ETV6: variants seen among roughly 807,000 people sequenced by gnomAD.
ETV6 encodes the protein transcription factor ETV6.
Under a neutral mutation model 51.1 loss-of-function variants are expected in ETV6, and 16 were observed. That is an observed-to-expected ratio of 0.31 (90% CI 0.21 to 0.48). ETV6 has a LOEUF of 0.48. Ranked by LOEUF, ETV6 falls within the 20% of genes least tolerant of loss-of-function variation. The probability of loss-of-function intolerance (pLI) is 0.99; values close to 1 mark genes in which losing one functional copy is unlikely to be tolerated. For missense variants in ETV6, 458 were observed against 594.8 expected, an observed-to-expected ratio of 0.77 and a Z score of 2.39; for synonymous variants, 240 against 224.1, an observed-to-expected ratio of 1.07 and a Z score of -0.64.
At chr12:11,884,274 C>G (rs1374947310) in intron 5 of ETV6, among the ~76,000 whole-genome samples, 171 bp from the exon 6 acceptor site, 1 of 152,196 alleles carries the variant, frequency 6.6e-6, no homozygotes, top group African/African-American at 2.4e-5. Flanking sequence ...ACAGGACCTC[C>G]CTCCATCTTT....
chr12:11,733,407 CAAAAAAAAAAAA>C (rs11394100), intron 1 of ETV6, among the ~76,000 whole-genome samples: 33 of 101,026 alleles, frequency 3.3e-4, no homozygotes, highest in Non-Finnish European at 3.3e-4. Flanking sequence ...GACTCCATCT[CAAAAAAAAAAAA>C]AAAAAAAAAA....
chr12:11,672,573 CAA>C (rs1864340767), intron 1 of ETV6, among the ~76,000 whole-genome samples: 1 of 152,156 alleles, frequency 6.6e-6, no homozygotes, highest in Non-Finnish European at 1.5e-5. Context: ...TGGGGTGAGA[CAA>C]AGCTTGCGTA....
intron 2 of ETV6, among the ~76,000 whole-genome samples, chr12:11,785,804 G>A (rs1463013909): frequency 2.6e-5 from 4 of 152,148 alleles, no homozygotes; most frequent in Non-Finnish European, 4.4e-5. Flanking sequence ...CATTTGGTTC[G>A]TGTCAGTCTT....
intron 4 of ETV6, among the ~76,000 whole-genome samples, chr12:11,853,851 C>CAA (rs1946593809): frequency 6.6e-6 from 1 of 152,146 alleles, no homozygotes; most frequent in South Asian, 2.1e-4. Context: ...AGGGTCTTCT[C>CAA]ATAAAGGAAG....
intron 2 of ETV6, among the ~76,000 whole-genome samples, chr12:11,760,061 ATGTGTGAGTGTTTTGTGGTTCAT>A (rs961920827): frequency 2.9e-4 from 44 of 152,246 alleles, no homozygotes; most frequent in African/African-American, 1.0e-3. Context: ...TGCCTGTACC[ATGTGTGAGTGTTTTGTGGTTCAT>A]TTTTCTGATC....
intron 1 of ETV6, among the ~76,000 whole-genome samples, chr12:11,674,665 G>GTGTGTGTGTGT (rs1555113012): frequency 7.0e-6 from 1 of 143,588 alleles, no homozygotes; most frequent in South Asian, 2.3e-4. Flanking sequence ...GTGTGTGTTT[G>GTGTGTGTGTGT]GTGTTTTCCC....
chr12:11,712,726 T>C (rs1865196765), intron 1 of ETV6, among the ~76,000 whole-genome samples: 1 of 152,214 alleles, frequency 6.6e-6, no homozygotes, highest in South Asian at 2.1e-4. Context: ...GGCAATCTGC[T>C]TCACTCAGAG....
intron 5 of ETV6, among the ~76,000 whole-genome samples, chr12:11,871,098 G>T (rs1329293748): frequency 1.3e-5 from 2 of 152,112 alleles, no homozygotes; most frequent in African/African-American, 2.4e-5. Context: ...CCATGACCCG[G>T]TGAGAGCTCT....
At chr12:11,879,378 C>T (rs1947050930) in intron 5 of ETV6, among the ~76,000 whole-genome samples, 1 of 152,158 alleles carries the variant, frequency 6.6e-6, no homozygotes, top group African/African-American at 2.4e-5. Flanking sequence ...TTTTTTAAGG[C>T]ATCAGTTTTG....
chr12:11,748,851 T>G (rs933032608), intron 1 of ETV6, among the ~76,000 whole-genome samples: 8 of 152,180 alleles, frequency 5.3e-5, no homozygotes, highest in Non-Finnish European at 1.0e-4. Flanking sequence ...CTTCAGTCCT[T>G]ACGCTTTCAA....
intron 1 of ETV6, among the ~76,000 whole-genome samples, chr12:11,658,232 GTTTGTT>G (rs952908752): frequency 5.9e-5 from 9 of 152,086 alleles, no homozygotes; most frequent in African/African-American, 1.2e-4. Context: ...CCAGGGGATG[GTTTGTT>G]TTTGTTTTTG....
At chr12:11,858,598 C>T (rs780304546) in intron 4 of ETV6, among the ~76,000 whole-genome samples, 13 of 152,168 alleles carry the variant, frequency 8.5e-5, no homozygotes, top group Admixed American at 6.5e-4. Flanking sequence ...ATTTCTCAAA[C>T]GTTCTCATCC....
chr12:11,868,455 T>G (rs1364135813), intron 4 of ETV6, among the ~76,000 whole-genome samples: 5 of 141,016 alleles, frequency 3.5e-5, no homozygotes, highest in African/African-American at 1.3e-4. Flanking sequence ...TTTTTTTTTT[T>G]GAGACAAAGT....
chr12:11,775,399 G>A (rs978546867), intron 2 of ETV6, among the ~76,000 whole-genome samples: 5 of 152,222 alleles, frequency 3.3e-5, no homozygotes, highest in African/African-American at 1.2e-4. Context: ...GCCTTGTGAT[G>A]AGTGCTGGGG....
chr12:11,750,177 T>G (rs114064061), intron 1 of ETV6, among the ~76,000 whole-genome samples: 1 of 152,158 alleles, frequency 6.6e-6, no homozygotes, highest in Non-Finnish European at 1.5e-5. Context: ...CAGGGAACCA[T>G]GTAGAAGTGA....
Position 11,650,150 on chromosome 12 carries a change from G to C in ETV6, c.23G>C (p.Cys8Ser). The C allele has an allele frequency of 6.2e-7, 1 of 1,613,714 alleles. No individual in the cohort carries two copies. The highest frequency in any genetic ancestry group is 8.5e-7 in the Non-Finnish European group (1 of 1,179,716). The part of the protein sequence containing the change: MSETPAQ[C>S]SIKQERISYT... Reference sequence around the variant, plus strand: ...GACATGTCTGAGACTCCTGCTCAGTGTAGCATTAAGGTAAAAATCTTCTCC... The same window carrying C: ...GACATGTCTGAGACTCCTGCTCAGTCTAGCATTAAGGTAAAAATCTTCTCC... Residue 8 changes from cysteine to serine, a missense_variant, in exon 1 of 8, where the codon TGT becomes TCT. Transcript: ENST00000396373.
intron 2 of ETV6, among the ~76,000 whole-genome samples, chr12:11,788,931 G>A (rs1382246930): frequency 6.6e-6 from 1 of 151,914 alleles, no homozygotes; most frequent in East Asian, 1.9e-4. Flanking sequence ...AGTGCCATTT[G>A]AAGCTGAGTC....
At chr12:11,809,035 C>T (rs1206602864) in intron 2 of ETV6, among the ~76,000 whole-genome samples, 2 of 151,934 alleles carry the variant, frequency 1.3e-5, no homozygotes, top group Admixed American at 6.6e-5. Flanking sequence ...TGTGATGGCA[C>T]GCGCCTGTAG....
At chr12:11,776,219 G>C (rs2723828) in intron 2 of ETV6, among the ~76,000 whole-genome samples, 7 of 151,922 alleles carry the variant, frequency 4.6e-5, no homozygotes, top group Non-Finnish European at 8.8e-5. Context: ...ATGAGGATGC[G>C]GGACATTGTG....
Sources: gnomAD v4.1 joint callset for allele counts (sites outside exome capture counted in the v4.1 genomes callset) on GRCh38, gnomAD v4.1.1 for gene constraint, MANE v1.5 for transcripts, NCBI Gene and HGNC (gene_info 2026-07-23, HGNC 2026-07-21) for gene names.